Variants in SLC27A2 observed in about 807,000 individuals in gnomAD.
SLC27A2 encodes the protein solute carrier family 27 member 2.
In SLC27A2, 54 loss-of-function variants were observed where a neutral mutation model predicts 60.0. The ratio of observed to expected loss-of-function variants is 0.90; its 90% confidence interval spans 0.72 to 1.13. The LOEUF (loss-of-function observed/expected upper bound fraction) is 1.13, where lower values mean the gene tolerates loss of function less well. SLC27A2 is among the 50% of genes most tolerant of loss of function. The pLI is 0.00. For synonymous variants in SLC27A2, 297 were observed against 297.6 expected (o/e 1.00, Z 0.02); for missense variants, 739 against 777.6 (o/e 0.95, Z 0.59).
At chr15:50,188,705 A>G (rs1328472022) in intron 1 of SLC27A2, among the ~76,000 whole-genome samples, 2 of 152,230 alleles carry the variant, frequency 1.3e-5, no homozygotes, top group Non-Finnish European at 2.9e-5. Context: ...CATGCCTGTA[A>G]TCCCAACACT....
At chr15:50,189,053 A>T (rs994143773) in intron 1 of SLC27A2, among the ~76,000 whole-genome samples, 2 of 152,148 alleles carry the variant, frequency 1.3e-5, no homozygotes, top group African/African-American at 4.8e-5. Context: ...ATACATACAT[A>T]CATACATAAT....
At chr15:50,226,147 A>G in intron 6 of SLC27A2, 69 bp downstream of exon 6, 1 of 958,314 alleles carries the variant, frequency 1.0e-6, no homozygotes, top group East Asian at 2.4e-5. Context: ...TTAAGGACTA[A>G]CATATTATTG....
At chr15:50,210,275 G>A (rs1197086296) in intron 4 of SLC27A2, among the ~76,000 whole-genome samples, 1 of 152,100 alleles carries the variant, frequency 6.6e-6, no homozygotes, top group Non-Finnish European at 1.5e-5. Flanking sequence ...TGAAAGAAGT[G>A]GATTGCTCCT....
chr15:50,191,894 T>G (rs749349543), intron 1 of SLC27A2, among the ~76,000 whole-genome samples: 3 of 151,950 alleles, frequency 2.0e-5, no homozygotes, highest in Non-Finnish European at 2.9e-5. Flanking sequence ...ACCCCATCTC[T>G]ACTAAAAATA....
At chr15:50,195,425 A>G (rs902723639) in intron 1 of SLC27A2, among the ~76,000 whole-genome samples, 1 of 151,874 alleles carries the variant, frequency 6.6e-6, no homozygotes, top group Admixed American at 6.6e-5. Context: ...CGGGAGGCGG[A>G]GCTTGCAGTG....
intron 7 of SLC27A2, 150 bp from the exon 8 acceptor site, chr15:50,228,795 G>C (rs2045294584): frequency 1.6e-6 from 1 of 622,182 alleles, no homozygotes; most frequent in East Asian, 2.8e-5. Flanking sequence ...AGATACCCCG[G>C]CCAGGACTAA....
intron 4 of SLC27A2, among the ~76,000 whole-genome samples, chr15:50,216,629 T>C (rs1448996715): frequency 8.4e-6 from 1 of 119,114 alleles, no homozygotes; most frequent in Non-Finnish European, 1.9e-5. Flanking sequence ...TATATATATA[T>C]ATATATATAT....
intron 8 of SLC27A2, among the ~76,000 whole-genome samples, chr15:50,231,755 G>A (rs542317161): frequency 7.2e-5 from 11 of 152,292 alleles, no homozygotes; most frequent in African/African-American, 2.6e-4. Flanking sequence ...GTCTTACAGT[G>A]TTGGCAGACA....
chr15:50,186,972 C>G (rs1462865466), intron 1 of SLC27A2, among the ~76,000 whole-genome samples: 1 of 152,182 alleles, frequency 6.6e-6, no homozygotes, highest in Non-Finnish European at 1.5e-5. Flanking sequence ...CTCTTGAGCT[C>G]CATCTGTCAG....
chr15:50,218,833 C>A (rs553935633), intron 4 of SLC27A2, among the ~76,000 whole-genome samples: 2 of 151,948 alleles, frequency 1.3e-5, no homozygotes, highest in South Asian at 4.2e-4. Flanking sequence ...AAAGGGACCC[C>A]CCAGGCTTAG....
chr15:50,188,633 T>C (rs895212912), intron 1 of SLC27A2, among the ~76,000 whole-genome samples: 1 of 152,178 alleles, frequency 6.6e-6, no homozygotes, highest in African/African-American at 2.4e-5. Context: ...AATTCCCTAG[T>C]AATGTCTAGC....
At chr15:50,234,587 CAAAAAAAAAAAA>C (rs767076726) in intron 9 of SLC27A2, among the ~76,000 whole-genome samples, 2 of 61,556 alleles carry the variant, frequency 3.2e-5, no homozygotes, top group Non-Finnish European at 7.1e-5. Flanking sequence ...ACTCCATCTC[CAAAAAAAAAAAA>C]AAAAAAAAAA....
chr15:50,234,281 AC>A (rs2045335633), intron 9 of SLC27A2, among the ~76,000 whole-genome samples: 1 of 152,168 alleles, frequency 6.6e-6, no homozygotes, highest in African/African-American at 2.4e-5. Flanking sequence ...CTTCATGTCT[AC>A]TAAAAATGAA....
intron 6 of SLC27A2, among the ~76,000 whole-genome samples, chr15:50,226,602 C>T (rs1313134893): frequency 6.6e-6 from 1 of 152,094 alleles, no homozygotes; most frequent in Non-Finnish European, 1.5e-5. Flanking sequence ...CACGATGGCA[C>T]ACACCTGTAA....
At chr15:50,225,665 A>G (rs1187317467) in intron 5 of SLC27A2, among the ~76,000 whole-genome samples, 1 of 152,222 alleles carries the variant, frequency 6.6e-6, no homozygotes, top group Non-Finnish European at 1.5e-5. Flanking sequence ...AAAAACACCA[A>G]CATGGATGGA....
chr15:50,223,645 G>A (rs930649163), intron 5 of SLC27A2, among the ~76,000 whole-genome samples: 1 of 152,142 alleles, frequency 6.6e-6, no homozygotes, highest in Non-Finnish European at 1.5e-5. Context: ...GAACATTTAT[G>A]TCTACCTAAT....
intron 1 of SLC27A2, 40 bp from the exon 2 acceptor site, chr15:50,197,460 C>A: frequency 6.8e-7 from 1 of 1,478,992 alleles, no homozygotes; most frequent in Non-Finnish European, 9.4e-7. Flanking sequence ...CTTTAATAGA[C>A]TGATTTAGTT....
At chr15:50,211,559 A>G (rs2045155209) in intron 4 of SLC27A2, among the ~76,000 whole-genome samples, 1 of 152,178 alleles carries the variant, frequency 6.6e-6, no homozygotes, top group Non-Finnish European at 1.5e-5. Context: ...GCTAATATGA[A>G]AAGCCAAGGC....
chr15:50,234,573 T>G (rs1595694669), intron 9 of SLC27A2, among the ~76,000 whole-genome samples: 1 of 126,138 alleles, frequency 7.9e-6, no homozygotes, highest in African/African-American at 3.2e-5. Context: ...AGCAATGGAG[T>G]GAGACTCCAT....
Sources: allele counts gnomAD v4.1 joint callset (sites outside exome capture counted in the v4.1 genomes callset), GRCh38; gene constraint gnomAD v4.1.1; transcripts MANE v1.5; gene names NCBI Gene and HGNC (gene_info 2026-07-23, HGNC 2026-07-21).